The following ARHGAP42 variants were observed in gnomAD, a reference collection of about 807,000 sequenced individuals.
ARHGAP42 encodes rho GTPase-activating protein 42.
Under a neutral mutation model 125.0 loss-of-function variants are expected in ARHGAP42, and 63 were observed. The ratio of observed to expected loss-of-function variants is 0.50; its 90% CI spans 0.41 to 0.62. The LOEUF is 0.62. Among genes scored for constraint, ARHGAP42 ranks in the 20% least tolerant of loss-of-function variants. The pLI is 0.00. For missense variants in ARHGAP42, 766 were observed against 1,024.2 expected (o/e 0.75, Z 3.44); for synonymous variants, 339 against 351.0 (o/e 0.97, Z 0.38).
chr11:100,810,012 T>C (rs1308323323), intron 3 of ARHGAP42, among the ~76,000 whole-genome samples: 1 of 152,068 alleles, frequency 6.6e-6, no homozygotes, highest in East Asian at 1.9e-4. Flanking sequence ...TGTCATATTA[T>C]GATATGATTT....
At chr11:100,970,348 C>G (rs1159040660) in intron 17 of ARHGAP42, among the ~76,000 whole-genome samples, 1 of 152,090 alleles carries the variant, frequency 6.6e-6, no homozygotes, top group Non-Finnish European at 1.5e-5. Flanking sequence ...TGTGTGAAGC[C>G]TCTTCTATTA....
chr11:100,973,416 T>C, intron 18 of ARHGAP42, 82 bp downstream of exon 18: 1 of 1,397,758 alleles, frequency 7.2e-7, no homozygotes, highest in Non-Finnish European at 9.7e-7. Flanking sequence ...TGTGAGCTCA[T>C]GAGTTTTGTA....
intron 14 of ARHGAP42, among the ~76,000 whole-genome samples, 177 bp downstream of exon 14, chr11:100,961,166 C>T (rs1857943995): frequency 6.6e-6 from 1 of 152,022 alleles, no homozygotes; most frequent in Non-Finnish European, 1.5e-5. Context: ...TTTGAGGGGG[C>T]ATTTTTATAA....
intron 1 of ARHGAP42, among the ~76,000 whole-genome samples, chr11:100,719,015 G>T (rs1041475982): frequency 2.6e-5 from 4 of 152,142 alleles, no homozygotes; most frequent in African/African-American, 9.7e-5. Context: ...GTACCTTATT[G>T]AATACAATTC....
chr11:100,905,792 C>A (rs896721695), intron 4 of ARHGAP42, among the ~76,000 whole-genome samples: 2 of 143,372 alleles, frequency 1.4e-5, no homozygotes, highest in South Asian at 2.4e-4. Flanking sequence ...GCCTGGCCAA[C>A]GTAGCAAAAC....
intron 3 of ARHGAP42, among the ~76,000 whole-genome samples, chr11:100,840,908 A>G (rs1397859680): frequency 6.6e-6 from 1 of 152,134 alleles, no homozygotes; most frequent in Non-Finnish European, 1.5e-5. Flanking sequence ...GCTATTAAAC[A>G]ATTGTAAATT....
intron 3 of ARHGAP42, among the ~76,000 whole-genome samples, chr11:100,848,468 T>C (rs1865124002): frequency 1.3e-5 from 2 of 151,876 alleles, no homozygotes; most frequent in African/African-American, 2.4e-5. Context: ...TCATGTAAAC[T>C]GGACATCTAA....
intron 16 of ARHGAP42, among the ~76,000 whole-genome samples, chr11:100,964,779 T>C (rs1858047745): frequency 6.6e-6 from 1 of 152,200 alleles, no homozygotes; most frequent in Non-Finnish European, 1.5e-5. Flanking sequence ...TAAAAATCTG[T>C]TGGGCTTGTG....
intron 1 of ARHGAP42, among the ~76,000 whole-genome samples, chr11:100,697,458 A>T (rs1861306225): frequency 6.6e-6 from 1 of 152,182 alleles, no homozygotes; most frequent in Non-Finnish European, 1.5e-5. Context: ...CTGGGATTAC[A>T]GGCGTGAGCC....
intron 3 of ARHGAP42, among the ~76,000 whole-genome samples, chr11:100,841,664 G>C (rs1864949689): frequency 6.6e-6 from 1 of 152,054 alleles, no homozygotes; most frequent in African/African-American, 2.4e-5. Flanking sequence ...CTTTCATCAT[G>C]CTAGCCTTCT....
chr11:100,835,768 A>G (rs1864772182), intron 3 of ARHGAP42, among the ~76,000 whole-genome samples: 1 of 144,196 alleles, frequency 6.9e-6, no homozygotes, highest in Non-Finnish European at 1.6e-5. Context: ...ATATGTATAT[A>G]TATATTCCAT....
intron 4 of ARHGAP42, among the ~76,000 whole-genome samples, chr11:100,910,879 G>T (rs891978771): frequency 7.9e-5 from 12 of 151,982 alleles, no homozygotes; most frequent in African/African-American, 2.7e-4. Context: ...GTGGTGTGAA[G>T]GGGCCTGGTT....
intron 6 of ARHGAP42, among the ~76,000 whole-genome samples, chr11:100,929,404 G>T (rs1169901520): frequency 1.3e-5 from 2 of 152,284 alleles, no homozygotes; most frequent in South Asian, 4.1e-4. Context: ...AAACGTTCAT[G>T]TACAAATTTT....
chr11:100,707,395 T>C (rs1412347925), intron 1 of ARHGAP42, among the ~76,000 whole-genome samples: 2 of 152,214 alleles, frequency 1.3e-5, no homozygotes, highest in African/African-American at 4.8e-5. Context: ...CAAGTATATA[T>C]TTAAATTAAT....
intron 3 of ARHGAP42, among the ~76,000 whole-genome samples, chr11:100,825,645 C>T (rs958767793): frequency 2.0e-5 from 3 of 152,118 alleles, no homozygotes; most frequent in Admixed American, 2.0e-4. Flanking sequence ...GTGCAGTTTT[C>T]TGCATGGATG....
At chr11:100,735,020 C>CAAA (rs1304006803) in intron 1 of ARHGAP42, among the ~76,000 whole-genome samples, 306 of 152,136 alleles carry the variant, frequency 2.0e-3, no homozygotes, top group African/African-American at 7.1e-3. Flanking sequence ...ACAACAACAA[C>CAAA]AACAACAAAA....
At chr11:100,688,964 T>A (rs1241860111) in intron 1 of ARHGAP42, among the ~76,000 whole-genome samples, 2 of 152,300 alleles carry the variant, frequency 1.3e-5, no homozygotes, top group East Asian at 3.9e-4. Flanking sequence ...GATAGGGATG[T>A]GTGCGCCTAA....
intron 3 of ARHGAP42, among the ~76,000 whole-genome samples, chr11:100,828,843 A>G (rs1238165836): frequency 2.6e-5 from 4 of 152,062 alleles, no homozygotes; most frequent in African/African-American, 7.2e-5. Flanking sequence ...GGAAGCCACC[A>G]TGCTCGGCCT....
intron 1 of ARHGAP42, among the ~76,000 whole-genome samples, chr11:100,767,457 G>A (rs143196938): frequency 6.6e-6 from 1 of 152,272 alleles, no homozygotes; most frequent in Non-Finnish European, 1.5e-5. Context: ...GTTTGGGGAT[G>A]GGGATTACTG....
Sources: allele counts gnomAD v4.1 joint callset (sites outside exome capture counted in the v4.1 genomes callset), GRCh38; gene constraint gnomAD v4.1.1; transcripts MANE v1.5; gene names NCBI Gene and HGNC (gene_info 2026-07-23, HGNC 2026-07-21).